Variants in CSGALNACT1 observed in about 807,000 individuals in gnomAD.
The protein encoded by CSGALNACT1 is beta4GalNAcT-1.
In CSGALNACT1, 52 loss-of-function variants were observed where a neutral mutation model predicts 51.0. The ratio of observed to expected loss-of-function variants is 1.02; its 90% CI spans 0.82 to 1.29. The LOEUF (loss-of-function observed/expected upper bound fraction) is 1.29, where lower values mean the gene tolerates loss of function less well. CSGALNACT1 is among the 50% of genes most tolerant of loss of function. The probability of loss-of-function intolerance (pLI) is 0.00; values close to 1 mark genes in which losing one functional copy is unlikely to be tolerated. For missense variants in CSGALNACT1, 935 were observed against 679.2 expected, an observed-to-expected ratio of 1.38 and a Z score of -4.19; for synonymous variants, 341 against 254.4, an observed-to-expected ratio of 1.34 and a Z score of -3.24.
In CSGALNACT1 at chr8:19,542,329, G is replaced by C. The variant is rs144847824; in HGVS notation, c.-296-36199C>G. Reference sequence around the variant, plus strand: ...AAACACTGTCCGTCAAACCAGGACTGTGTCACTTAAGCCATAATAAGAAGG... The same window carrying C: ...AAACACTGTCCGTCAAACCAGGACTCTGTCACTTAAGCCATAATAAGAAGG... On this transcript the variant is annotated intron_variant, in intron 3 of 9. Transcript: ENST00000454498. Among the ~76,000 whole-genome samples, 513 of 152,236 alleles carry C rather than the reference G, an allele frequency of 3.4e-3. 2 individuals carry two copies. The highest frequency in any genetic ancestry group is 0.012 in the African/African-American group (491 of 41,544).
intron 9 of CSGALNACT1, among the ~76,000 whole-genome samples, chr8:19,406,845 A>C (rs2054303074): frequency 1.3e-5 from 2 of 152,116 alleles, no homozygotes; most frequent in African/African-American, 4.8e-5. Context: ...AGTAGCTAGG[A>C]CAACAGGCAC....
Position 19,444,901 on chromosome 8 carries a change from G to T in CSGALNACT1, c.852-4970C>A, listed in dbSNP as rs569981683. Among the ~76,000 whole-genome samples the T allele has an allele frequency of 5.9e-5, 9 of 152,308 alleles. No homozygotes were observed. The East Asian group carries it at 1.5e-3, about 26-fold the overall frequency. On this transcript the variant is annotated intron_variant, in intron 5 of 9. Transcript: ENST00000454498. The stretch of plus-strand genomic sequence containing the variant: ...AGGGATAAAGTTTAGAAAGGCAGAG[G>T]TAAGAAAGAAGAGAATTCCAGATGG...
chr8:19,602,998 A>G (rs1196066615), upstream of CSGALNACT1, among the ~76,000 whole-genome samples: 1 of 151,056 alleles, frequency 6.6e-6, no homozygotes, highest in East Asian at 1.9e-4. Flanking sequence ...ACATACATAC[A>G]CAAATATATT....
chr8:19,499,406 G>C (rs1231828906), intron 4 of CSGALNACT1, among the ~76,000 whole-genome samples: 3 of 152,152 alleles, frequency 2.0e-5, no homozygotes, highest in African/African-American at 7.2e-5. Flanking sequence ...TTGGAACATA[G>C]TGAGCACTCA....
intron 5 of CSGALNACT1, among the ~76,000 whole-genome samples, chr8:19,453,371 A>G (rs962552889): frequency 6.6e-6 from 1 of 152,222 alleles, no homozygotes; most frequent in African/African-American, 2.4e-5. Flanking sequence ...TACAGAATAG[A>G]TATGTCAGAA....
At chr8:19,695,617 T>C (rs1309769421) in intron 1 of CSGALNACT1, among the ~76,000 whole-genome samples, 1 of 152,254 alleles carries the variant, frequency 6.6e-6, no homozygotes, top group Non-Finnish European at 1.5e-5. Context: ...TTTAGATTTC[T>C]AACATCATTT....
chr8:19,598,452 G>A (rs879588260), intron 2 of CSGALNACT1, among the ~76,000 whole-genome samples: 8 of 152,136 alleles, frequency 5.3e-5, no homozygotes, highest in Admixed American at 3.9e-4. Context: ...TCCAAAGGAA[G>A]GCCACTTTAT....
At chr8:19,520,351 A>T (rs992227214) in intron 3 of CSGALNACT1, among the ~76,000 whole-genome samples, 1 of 152,238 alleles carries the variant, frequency 6.6e-6, no homozygotes, top group African/African-American at 2.4e-5. Context: ...TGCAAGCTGC[A>T]TTGTTATTTT....
chr8:19,741,156 A>T (rs554378721), intron 1 of CSGALNACT1, among the ~76,000 whole-genome samples: 1 of 152,210 alleles, frequency 6.6e-6, no homozygotes, highest in Non-Finnish European at 1.5e-5. Flanking sequence ...CCCATAACCT[A>T]TCTAATCTAC....
At chr8:19,645,736 T>C (rs1032225477) in intron 1 of CSGALNACT1, among the ~76,000 whole-genome samples, 14 of 152,174 alleles carry the variant, frequency 9.2e-5, no homozygotes, top group African/African-American at 3.1e-4. Context: ...GTGATTGATG[T>C]TGGCAGAAGT....
At chr8:19,731,912 G>A (rs567912266) in intron 1 of CSGALNACT1, among the ~76,000 whole-genome samples, 5 of 152,314 alleles carry the variant, frequency 3.3e-5, no homozygotes, top group Non-Finnish European at 5.9e-5. Flanking sequence ...TAACCAAGCT[G>A]TCAGGCCGTG....
intron 3 of CSGALNACT1, among the ~76,000 whole-genome samples, chr8:19,513,436 C>CTCTCTCTCTCTCTCTCTCTATATA: frequency 1.2e-4 from 10 of 81,970 alleles, no homozygotes; most frequent in African/African-American, 2.5e-4. Flanking sequence ...CTCTCTCTCT[C>CTCTCTCTCTCTCTCTCTCTATATA]TATATATATA....
chr8:19,590,947 A>G (rs1564175855), intron 3 of CSGALNACT1, among the ~76,000 whole-genome samples: 1 of 152,104 alleles, frequency 6.6e-6, no homozygotes, highest in East Asian at 1.9e-4. Context: ...CACTATGCCC[A>G]GCCCTAACTA....
chr8:19,598,140 C>T (rs1030508615), intron 2 of CSGALNACT1, among the ~76,000 whole-genome samples: 1 of 152,114 alleles, frequency 6.6e-6, no homozygotes, highest in African/African-American at 2.4e-5. Context: ...AGGTAGAACC[C>T]AACTCAATGA....
rs560152033 is a variant in CSGALNACT1 at position 19,447,485 on chromosome 8, T to C, written c.852-7554A>G. Among the ~76,000 whole-genome samples the C allele has an allele frequency of 3.3e-5, 5 of 152,308 alleles. 1 individual carries two copies. The South Asian group carries it at 1.0e-3, about 32-fold the overall frequency. On this transcript the variant is annotated intron_variant, in intron 5 of 9. Coordinates refer to ENST00000454498, the Ensembl canonical transcript of CSGALNACT1. ...AGGAGGGGTTGTACCCTTAGGGTGA[T>C]AACTCATCCTAAAGAAGTCTTTTTC...
At chr8:19,674,762 T>C (rs1242549463) in intron 1 of CSGALNACT1, among the ~76,000 whole-genome samples, 1 of 152,054 alleles carries the variant, frequency 6.6e-6, no homozygotes, top group Non-Finnish European at 1.5e-5. Flanking sequence ...TAGGAGGCAG[T>C]GATGGCTCTG....
At chr8:19,540,296 T>C (rs562651871) in intron 3 of CSGALNACT1, among the ~76,000 whole-genome samples, 18 of 152,308 alleles carry the variant, frequency 1.2e-4, no homozygotes, top group Admixed American at 4.6e-4. Flanking sequence ...AAAAAGGCTA[T>C]TAAAGGGACT....
At chr8:19,447,216 A>G (rs902011878) in intron 5 of CSGALNACT1, among the ~76,000 whole-genome samples, 4 of 152,198 alleles carry the variant, frequency 2.6e-5, no homozygotes, top group African/African-American at 9.6e-5. Context: ...TCAGCTCCCC[A>G]GGTCACCTGA....
intron 5 of CSGALNACT1, among the ~76,000 whole-genome samples, chr8:19,440,894 A>T (rs1451703460): frequency 6.6e-6 from 1 of 152,208 alleles, no homozygotes; most frequent in African/African-American, 2.4e-5. Flanking sequence ...ATCAATGTAC[A>T]AAAATCACAA....
Sources: gnomAD v4.1 joint callset for allele counts (sites outside exome capture counted in the v4.1 genomes callset) on GRCh38, gnomAD v4.1.1 for gene constraint, MANE v1.5 for transcripts, NCBI Gene and HGNC (gene_info 2026-07-23, HGNC 2026-07-21) for gene names.